GRM7: variants seen among roughly 807,000 people sequenced by gnomAD.
GRM7 encodes glutamate metabotropic receptor 7, also known as metabotropic glutamate receptor 7.
GRM7 carries 35 observed loss-of-function variants against 84.5 expected under a neutral mutation model. The ratio of observed to expected loss-of-function variants is 0.41; its 90% CI spans 0.32 to 0.55. GRM7 has a LOEUF of 0.55. Ranked by LOEUF, GRM7 falls within the 20% of genes least tolerant of loss-of-function variation. The probability of loss-of-function intolerance (pLI) is 0.19; values close to 1 mark genes in which losing one functional copy is unlikely to be tolerated. For missense variants in GRM7, 1,003 were observed against 1,194.6 expected (o/e 0.84, Z 2.36); for synonymous variants, 487 against 455.1 (o/e 1.07, Z -0.89).
At chr3:7,516,332 C>T (rs1700381048) in intron 7 of GRM7, among the ~76,000 whole-genome samples, 1 of 150,578 alleles carries the variant, frequency 6.6e-6, no homozygotes, top group Non-Finnish European at 1.5e-5. Context: ...AAAAAATTAG[C>T]CAGGCGTGGT....
intron 2 of GRM7, among the ~76,000 whole-genome samples, chr3:7,199,505 A>G (rs986089233): frequency 4.6e-5 from 7 of 152,228 alleles, no homozygotes; most frequent in Non-Finnish European, 8.8e-5. Context: ...GCAGCAATCA[A>G]TCACTGCAGC....
At chr3:6,869,871 T>C (rs1695063035) in intron 1 of GRM7, among the ~76,000 whole-genome samples, 1 of 152,196 alleles carries the variant, frequency 6.6e-6, no homozygotes, top group South Asian at 2.1e-4. Flanking sequence ...TTGGGAAAGT[T>C]ACACTTTTAT....
At chr3:7,302,095 T>G (rs1490567691) in intron 3 of GRM7, among the ~76,000 whole-genome samples, 1 of 151,164 alleles carries the variant, frequency 6.6e-6, no homozygotes, top group Non-Finnish European at 1.5e-5. Flanking sequence ...TTTTTTATTG[T>G]TTTTTTTCAA....
intron 1 of GRM7, among the ~76,000 whole-genome samples, chr3:6,875,212 T>G (rs994813083): frequency 1.3e-5 from 2 of 151,788 alleles, no homozygotes; most frequent in African/African-American, 4.8e-5. Context: ...CACAGAGGTC[T>G]TGGTTCTGCA....
chr3:7,033,196 CTT>C (rs1256165791), intron 1 of GRM7, among the ~76,000 whole-genome samples: 1 of 151,934 alleles, frequency 6.6e-6, no homozygotes, highest in African/African-American at 2.4e-5. Context: ...ATATCTGTGT[CTT>C]TTCTCTTTTA....
At chr3:6,882,719 C>T (rs1321388394) in intron 1 of GRM7, among the ~76,000 whole-genome samples, 2 of 151,968 alleles carry the variant, frequency 1.3e-5, no homozygotes, top group Non-Finnish European at 2.9e-5. Context: ...TGTTTTGTAT[C>T]TTTTTTGCTT....
At position 7,052,275 on chromosome 3, in the gene GRM7, G is replaced by A. The variant is rs903397181; in HGVS notation, c.520-94177G>A. 2.6e-5 allele frequency among the ~76,000 whole-genome samples: 4 copies of A among 151,738 alleles called. No individual in the cohort carries two copies. In the East Asian group the frequency reaches 7.8e-4, roughly 29 times the overall value. ...CTGCCCTGTTCTCTGCTTCACAGTA[G>A]TATCAGAAAAAGTTCCATACAGTAG... On this transcript the variant is annotated intron_variant, in intron 1 of 9. Transcript: ENST00000357716.
At chr3:6,988,901 C>T (rs1694527836) in intron 1 of GRM7, among the ~76,000 whole-genome samples, 1 of 152,150 alleles carries the variant, frequency 6.6e-6, no homozygotes, top group Non-Finnish European at 1.5e-5. Context: ...CAATGTTTCT[C>T]AAAGGCTCAA....
At chr3:7,459,476 A>T (rs556788797) in intron 6 of GRM7, among the ~76,000 whole-genome samples, 1 of 152,112 alleles carries the variant, frequency 6.6e-6, no homozygotes, top group Non-Finnish European at 1.5e-5. Context: ...TTTATAAAGA[A>T]AAGGGGGTTT....
rs549619528 is a variant in GRM7, at chr3:7,741,391, G to A, written c.*985G>A. 1.4e-4 allele frequency: 21 copies of A among 152,580 alleles called. No homozygotes were observed. The highest frequency in any genetic ancestry group is 5.1e-4 in the African/African-American group (21 of 41,520). The allele number at this position is 152,580 out of a possible 1,614,324, so 9.5% of individuals were successfully genotyped here. ...GTATGTTTTTTACTGTTTGTAATAA[G>A]TACTTTCGTTAATCTTGCTGCTTAT... is the stretch of plus-strand genomic sequence containing the variant. On this transcript the variant is annotated 3_prime_UTR_variant, in exon 10 of 10. Transcript: ENST00000357716.
intron 2 of GRM7, among the ~76,000 whole-genome samples, chr3:7,204,413 C>T (rs948171864): frequency 3.9e-5 from 6 of 152,186 alleles, no homozygotes; most frequent in Non-Finnish European, 7.3e-5. Flanking sequence ...TTGGGTTACC[C>T]ATCAATTATT....
chr3:7,369,099 C>T (rs1694029914), intron 4 of GRM7, among the ~76,000 whole-genome samples: 1 of 152,062 alleles, frequency 6.6e-6, no homozygotes, highest in Non-Finnish European at 1.5e-5. Flanking sequence ...TTCTCTGTCA[C>T]CCTGGAGTAT....
chr3:7,708,606 GA>G (rs1306101732), intron 9 of GRM7, among the ~76,000 whole-genome samples: 1 of 152,172 alleles, frequency 6.6e-6, no homozygotes, highest in Non-Finnish European at 1.5e-5. Context: ...AGGGTTTGAA[GA>G]GCGAGCCTAA....
chr3:6,881,981 G>A (rs529180446), intron 1 of GRM7, among the ~76,000 whole-genome samples: 3 of 150,926 alleles, frequency 2.0e-5, no homozygotes, highest in Admixed American at 6.6e-5. Context: ...ACTTGTGGAA[G>A]TCCACCTTAA....
intron 1 of GRM7, among the ~76,000 whole-genome samples, chr3:6,913,433 A>C (rs972974091): frequency 2.0e-5 from 3 of 152,206 alleles, no homozygotes; most frequent in Non-Finnish European, 4.4e-5. Context: ...TTTTGGGGCA[A>C]TTTAAAATTG....
chr3:6,897,344 T>C (rs1322958463), intron 1 of GRM7, among the ~76,000 whole-genome samples: 1 of 152,208 alleles, frequency 6.6e-6, no homozygotes, highest in Non-Finnish European at 1.5e-5. Flanking sequence ...TCAGGGACTC[T>C]GGGATTGAGC....
At chr3:7,715,131 C>G (rs1701727780) in intron 9 of GRM7, among the ~76,000 whole-genome samples, 1 of 152,058 alleles carries the variant, frequency 6.6e-6, no homozygotes, top group South Asian at 2.1e-4. Context: ...AGGAAATTAT[C>G]TGTATCACAT....
rs748048331 is a variant in GRM7, at chr3:6,861,381, G to T, written c.-8G>T. On this transcript the variant is annotated 5_prime_UTR_variant, in exon 1 of 10. Coordinates refer to ENST00000357716, the MANE Select transcript of GRM7 (RefSeq NM_000844.4). The surrounding 1 kb of genome is among the most constrained non-coding windows in gnomAD (Gnocchi z 6.4). ...CGCCGCCGCCGCCACCGCAGCAGCC[G>T]GAGCAGCATGGTCCAGCTGAGGAAG... The T allele has an allele frequency of 4.8e-5, 72 of 1,508,404 alleles. No individual in the cohort carries two copies. The highest frequency in any genetic ancestry group is 6.3e-5 in the Non-Finnish European group (72 of 1,138,572). 93.4% of individuals were successfully genotyped at this position (1,508,404 alleles called of 1,614,324 possible).
intron 4 of GRM7, among the ~76,000 whole-genome samples, chr3:7,389,714 T>G (rs2125139395): frequency 6.6e-6 from 1 of 152,232 alleles, no homozygotes; most frequent in South Asian, 2.1e-4. Context: ...TGATAAATCT[T>G]CATCCCTTTA....
Sources: gnomAD v4.1 joint callset for allele counts (sites outside exome capture counted in the v4.1 genomes callset) on GRCh38, gnomAD v4.1.1 for gene constraint, Gnocchi (gnomAD v3.1) non-coding constraint, MANE v1.5 for transcripts, NCBI Gene and HGNC (gene_info 2026-07-23, HGNC 2026-07-21) for gene names.